The following GPR55 variants were observed in gnomAD, a reference collection of about 807,000 sequenced individuals.
GPR55 encodes the protein G-protein coupled receptor 55.
Under a neutral mutation model 7.9 loss-of-function variants are expected in GPR55, and 6 were observed. The ratio of observed to expected loss-of-function variants is 0.76; its 90% CI spans 0.41 to 1.49. GPR55 has a LOEUF of 1.49. GPR55 is among the 40% of genes most tolerant of loss of function. GPR55 has a pLI of 0.01. For missense variants in GPR55, 376 were observed against 406.0 expected (o/e 0.93, Z 0.63); for synonymous variants, 183 against 166.8 (o/e 1.10, Z -0.75).
At chr2:230,916,852 T>C (rs1013285389) in intron 1 of GPR55, among the ~76,000 whole-genome samples, 2 of 152,000 alleles carry the variant, frequency 1.3e-5, no homozygotes, top group African/African-American at 4.8e-5. Context: ...GTGAATATAA[T>C]AGGAAAAGAA....
At chr2:230,929,751 C>A (rs568693651), upstream of GPR55, 1 of 152,328 alleles carries the variant, frequency 6.6e-6, no homozygotes, top group South Asian at 2.1e-4. Flanking sequence ...AGAGGAGGCC[C>A]TTTACTACGA....
chr2:230,943,759 CTGTT>C (rs1301914184), intron 1 of GPR55, among the ~76,000 whole-genome samples: 1 of 152,138 alleles, frequency 6.6e-6, no homozygotes, highest in African/African-American at 2.4e-5. Flanking sequence ...CGAGATCTGG[CTGTT>C]TGAAAGTGTG....
chr2:230,958,449 A>G (rs906280666), intron 1 of GPR55, among the ~76,000 whole-genome samples: 4 of 150,838 alleles, frequency 2.7e-5, no homozygotes, highest in South Asian at 2.1e-4. Context: ...ATTATTGACT[A>G]TAGTCACCCT....
chr2:230,952,590 G>A (rs1287855306), intron 1 of GPR55, among the ~76,000 whole-genome samples: 1 of 152,214 alleles, frequency 6.6e-6, no homozygotes, highest in African/African-American at 2.4e-5. Flanking sequence ...TACTCTTCCA[G>A]GAGTCCTATA....
chr2:230,943,055 G>A (rs1394941553), intron 1 of GPR55, among the ~76,000 whole-genome samples: 9 of 151,628 alleles, frequency 5.9e-5, no homozygotes, highest in African/African-American at 1.2e-4. Context: ...GAGGAGAGAG[G>A]AGGGAGAGAG....
Position 230,951,470 on chromosome 2 carries a change from C to T in GPR55, c.-135+9305G>A, listed in dbSNP as rs1262069847. 3.3e-5 allele frequency among the ~76,000 whole-genome samples: 5 copies of T among 152,110 alleles called. 1 individual carries two copies. Among genetic ancestry groups the T allele is most frequent in the Admixed American group, 2.6e-4 (4 of 15,272 alleles). On this transcript the variant is annotated intron_variant, in intron 1 of 1. Coordinates refer to the GPR55 transcript ENST00000392039. ...AAAATGAAAATGAGATTTTTTCATA[C>T]CAACTTGGCAGAGATTTATTAGATG...
chr2:230,948,439 G>C (rs1429745723), intron 1 of GPR55, among the ~76,000 whole-genome samples: 2 of 152,098 alleles, frequency 1.3e-5, no homozygotes, highest in African/African-American at 4.8e-5. Context: ...AATAATAATA[G>C]TAATAAATAA....
chr2:230,932,772 G>A (rs1360933677), intron 1 of GPR55, among the ~76,000 whole-genome samples: 1 of 152,166 alleles, frequency 6.6e-6, no homozygotes, highest in African/African-American at 2.4e-5. Flanking sequence ...CCTGTGACAA[G>A]GCACACCCTG....
upstream of GPR55, among the ~76,000 whole-genome samples, chr2:230,929,166 T>C (rs1014743376): frequency 6.6e-6 from 1 of 152,030 alleles, no homozygotes; most frequent in African/African-American, 2.4e-5. Flanking sequence ...AAGCCCCACT[T>C]AAACATTGAG....
intron 1 of GPR55, among the ~76,000 whole-genome samples, chr2:230,940,691 C>T (rs562057010): frequency 3.3e-5 from 5 of 152,302 alleles, no homozygotes; most frequent in South Asian, 2.1e-4. Context: ...GTGGCCGCCT[C>T]GCCCCAGCTG....
chr2:230,943,284 C>T (rs1215813681), intron 1 of GPR55, among the ~76,000 whole-genome samples: 1 of 152,274 alleles, frequency 6.6e-6, no homozygotes, highest in Admixed American at 6.5e-5. Flanking sequence ...GGCTGGCTCC[C>T]CGCCCCCAGA....
At chr2:230,926,682 CTTTTTT>C (rs56318183), upstream of GPR55, among the ~76,000 whole-genome samples, 1 of 100,940 alleles carries the variant, frequency 9.9e-6, no homozygotes, top group African/African-American at 4.3e-5. Flanking sequence ...TGGCTACCTT[CTTTTTT>C]TTTTTTTTTT....
chr2:230,927,761 G>C (rs1033627466), upstream of GPR55, among the ~76,000 whole-genome samples: 2 of 152,244 alleles, frequency 1.3e-5, no homozygotes, highest in African/African-American at 4.8e-5. Context: ...GTTTATCAAA[G>C]AGCGGGTCCA....
intron 1 of GPR55, among the ~76,000 whole-genome samples, chr2:230,949,327 A>G (rs1033407611): frequency 2.6e-5 from 4 of 151,966 alleles, no homozygotes; most frequent in African/African-American, 9.7e-5. Flanking sequence ...CCACACCCAG[A>G]TAATTTTTGT....
intron 1 of GPR55, among the ~76,000 whole-genome samples, chr2:230,934,354 T>C (rs572318984): frequency 6.2e-4 from 94 of 152,294 alleles, no homozygotes; most frequent in Non-Finnish European, 4.1e-4. Context: ...GTCCCCGGCC[T>C]CTCTCCGACC....
intron 1 of GPR55, among the ~76,000 whole-genome samples, chr2:230,930,504 G>A (rs1304942764): frequency 6.7e-6 from 1 of 149,700 alleles, no homozygotes; most frequent in East Asian, 2.0e-4. Context: ...AGGCTGGGGT[G>A]CAGTGGCATG....
At chr2:230,943,559 C>T (rs1691267711) in intron 1 of GPR55, among the ~76,000 whole-genome samples, 1 of 152,232 alleles carries the variant, frequency 6.6e-6, no homozygotes, top group African/African-American at 2.4e-5. Flanking sequence ...GCCTGGAGAG[C>T]TAAGAGCTAT....
intron 1 of GPR55, among the ~76,000 whole-genome samples, chr2:230,945,614 C>T (rs2125067738): frequency 6.6e-6 from 1 of 152,296 alleles, no homozygotes; most frequent in South Asian, 2.1e-4. Context: ...GCTCTGTCGC[C>T]CAGGCTGGAG....
At chr2:230,928,223 G>A (rs948676932), upstream of GPR55, among the ~76,000 whole-genome samples, 1 of 152,186 alleles carries the variant, frequency 6.6e-6, no homozygotes, top group Admixed American at 6.5e-5. Context: ...GCATGTGACA[G>A]ACCCACTGGG....
Sources: allele counts gnomAD v4.1 joint callset (sites outside exome capture counted in the v4.1 genomes callset), GRCh38; gene constraint gnomAD v4.1.1; transcripts MANE v1.5; gene names NCBI Gene and HGNC (gene_info 2026-07-23, HGNC 2026-07-21).